USP50: variants seen among roughly 807,000 people sequenced by gnomAD.
The protein encoded by USP50 is ubiquitin specific peptidase 50.
Under a neutral mutation model 39.2 loss-of-function variants are expected in USP50, and 37 were observed. The ratio of observed to expected loss-of-function variants is 0.94; its 90% CI spans 0.73 to 1.24. USP50 has a LOEUF of 1.24. Among genes scored for constraint, USP50 ranks in the 50% most tolerant of loss-of-function variants. The pLI is 0.00. For synonymous variants in USP50, 139 were observed against 144.5 expected, an observed-to-expected ratio of 0.96 and a Z score of 0.27; for missense variants, 374 against 398.2, an observed-to-expected ratio of 0.94 and a Z score of 0.52.
chr15:50,545,182 G>A (rs1231476179), intron 1 of USP50, among the ~76,000 whole-genome samples: 1 of 152,004 alleles, frequency 6.6e-6, no homozygotes, highest in Non-Finnish European at 1.5e-5. Flanking sequence ...TAAAACTAAA[G>A]CAAGACAACT....
intron 4 of USP50, 44 bp downstream of exon 4, chr15:50,541,005 G>A (rs991340391): frequency 6.8e-7 from 1 of 1,475,844 alleles, no homozygotes; most frequent in African/African-American, 1.4e-5. Context: ...ATCCGGGGCT[G>A]AGAGTATAGC....
chr15:50,515,428 G>C (rs2052794554), intron 6 of USP50, among the ~76,000 whole-genome samples: 1 of 151,994 alleles, frequency 6.6e-6, no homozygotes, highest in Admixed American at 6.6e-5. Context: ...TTTTGGTAGA[G>C]ACGGGGTTTC....
intron 6 of USP50, among the ~76,000 whole-genome samples, chr15:50,516,820 CAAAG>C (rs2052807653): frequency 1.3e-5 from 2 of 151,326 alleles, no homozygotes; most frequent in Non-Finnish European, 2.9e-5. Flanking sequence ...TAAACTGAGA[CAAAG>C]AAGGTCATTA....
At chr15:50,534,779 A>G (rs1047875774) in intron 5 of USP50, among the ~76,000 whole-genome samples, 3 of 152,200 alleles carry the variant, frequency 2.0e-5, no homozygotes, top group Non-Finnish European at 4.4e-5. Context: ...TGATAAAGGG[A>G]TCACTTTTTC....
At chr15:50,534,896 T>A (rs2052967733) in intron 5 of USP50, among the ~76,000 whole-genome samples, 1 of 152,098 alleles carries the variant, frequency 6.6e-6, no homozygotes, top group Non-Finnish European at 1.5e-5. Flanking sequence ...ATCCCAGCAT[T>A]TTGGGAGGCC....
intron 5 of USP50, among the ~76,000 whole-genome samples, chr15:50,533,178 AG>A (rs1205430503): frequency 2.0e-5 from 3 of 151,236 alleles, no homozygotes; most frequent in Non-Finnish European, 4.4e-5. Flanking sequence ...AAAGAAACAA[AG>A]AAAATAGACT....
chr15:50,519,235 TGAG>T (rs2052828204), intron 6 of USP50, among the ~76,000 whole-genome samples: 1 of 151,832 alleles, frequency 6.6e-6, no homozygotes, highest in South Asian at 2.1e-4. Flanking sequence ...TGCAGTGAGC[TGAG>T]ATCACATGAC....
chr15:50,531,420 A>T (rs2052939757), intron 5 of USP50, among the ~76,000 whole-genome samples: 1 of 152,226 alleles, frequency 6.6e-6, no homozygotes, highest in African/African-American at 2.4e-5. Flanking sequence ...ACAACACAAA[A>T]GAATCATGCT....
chr15:50,519,771 A>G (rs546471175), intron 6 of USP50, among the ~76,000 whole-genome samples: 2 of 152,234 alleles, frequency 1.3e-5, no homozygotes, highest in South Asian at 2.1e-4. Flanking sequence ...ATGCAAAAAG[A>G]TGAAAAATAA....
intron 5 of USP50, among the ~76,000 whole-genome samples, chr15:50,530,482 G>A (rs1002383156): frequency 5.3e-5 from 8 of 151,242 alleles, no homozygotes; most frequent in South Asian, 4.2e-4. Context: ...TACTCGGGAG[G>A]CTGAGGCCGG....
At chr15:50,544,418 T>G (rs1036028668) in intron 2 of USP50, among the ~76,000 whole-genome samples, 169 bp downstream of exon 2, 3 of 152,046 alleles carry the variant, frequency 2.0e-5, no homozygotes, top group Non-Finnish European at 4.4e-5. Flanking sequence ...CATTCATTTC[T>G]TGGTTGCCCT....
intron 6 of USP50, among the ~76,000 whole-genome samples, chr15:50,518,809 T>C (rs1009983344): frequency 5.9e-5 from 9 of 152,044 alleles, no homozygotes; most frequent in Admixed American, 5.2e-4. Context: ...AACAGACAAA[T>C]GGGACTATGT....
At chr15:50,493,311 A>G (rs2052250208), downstream of USP50, 1 of 520,562 alleles carries the variant, frequency 1.9e-6, no homozygotes, top group Admixed American at 1.9e-5. Flanking sequence ...GTGGTAACCT[A>G]TGAATAAGTA....
intron 4 of USP50, among the ~76,000 whole-genome samples, chr15:50,539,108 G>GTTTT (rs1295647053): frequency 2.2e-5 from 3 of 133,598 alleles, no homozygotes; most frequent in African/African-American, 8.0e-5. Flanking sequence ...GTTTTTTTTG[G>GTTTT]TTTTGTTTTT....
downstream of USP50, chr15:50,496,956 G>A: frequency 6.0e-6 from 7 of 1,161,626 alleles, no homozygotes; most frequent in Non-Finnish European, 6.0e-6. Flanking sequence ...CAAGCTTTGG[G>A]AAGGCAGGAA....
intron 1 of USP50, 38 bp from the exon 2 acceptor site, chr15:50,544,819 G>T (rs576128080): frequency 4.1e-5 from 65 of 1,570,370 alleles, no homozygotes; most frequent in Non-Finnish European, 5.4e-5. Flanking sequence ...GGTTTTGAGA[G>T]AACAAAATAT....
chr15:50,544,539 G>A (rs1407128470), intron 2 of USP50, 48 bp downstream of exon 2: 4 of 1,549,804 alleles, frequency 2.6e-6, no homozygotes, highest in African/African-American at 1.4e-5. Context: ...CTCATCTGTG[G>A]GGAAGTGGGG....
intron 6 of USP50, chr15:50,509,489 T>C (rs1035307712): frequency 2.6e-5 from 4 of 151,694 alleles, no homozygotes; most frequent in Non-Finnish European, 4.4e-5. Flanking sequence ...CTACTAAAAA[T>C]ACAAAAAATT....
At chr15:50,520,411 C>A (rs554649922) in intron 6 of USP50, among the ~76,000 whole-genome samples, 3 of 151,818 alleles carry the variant, frequency 2.0e-5, no homozygotes, top group African/African-American at 7.2e-5. Context: ...AAGTGATCCT[C>A]CCACCTCAGC....
Sources: gnomAD v4.1 joint callset for allele counts (sites outside exome capture counted in the v4.1 genomes callset) on GRCh38, gnomAD v4.1.1 for gene constraint, MANE v1.5 for transcripts, NCBI Gene and HGNC (gene_info 2026-07-23, HGNC 2026-07-21) for gene names.